Variants in PSMC5 observed in about 807,000 individuals in gnomAD.
PSMC5 encodes the protein proteasome 26S subunit, ATPase 5, also known as 26S proteasome regulatory subunit 8.
Under a neutral mutation model 49.1 loss-of-function variants are expected in PSMC5, and 11 were observed. The ratio of observed to expected loss-of-function variants is 0.22; its 90% CI spans 0.14 to 0.37. PSMC5 has a LOEUF of 0.37. Among genes scored for constraint, PSMC5 ranks in the 10% least tolerant of loss-of-function variants. PSMC5 has a pLI of 1.00. For missense variants in PSMC5, 229 were observed against 520.9 expected, an observed-to-expected ratio of 0.44 and a Z score of 5.45; for synonymous variants, 206 against 192.2, an observed-to-expected ratio of 1.07 and a Z score of -0.59.
Position 63,830,069 on chromosome 17 carries a change from C to G in PSMC5, c.265-64C>G. The G allele has an allele frequency of 1.9e-6, 3 of 1,587,530 alleles. No individual in the cohort carries two copies. The highest frequency in any genetic ancestry group is 2.6e-6 in the Non-Finnish European group (3 of 1,164,846). On this transcript the variant is annotated intron_variant, in intron 4 of 11. Coordinates refer to ENST00000310144, the MANE Select transcript of PSMC5 (RefSeq NM_002805.6). This position sits in a 1 kb window ranked among gnomAD's most constrained non-coding sequence, Gnocchi z 4.0. ...AAGGTATTGTGGGATTCTCATAGGT[C>G]TTCCTGGGTAGGATTAGTGATTTGG...
In PSMC5 at chr17:63,831,107, A is replaced by G; in HGVS notation, c.751A>G (p.Ile251Val). 1 of 1,551,606 alleles carries G rather than the reference A, an allele frequency of 6.4e-7. No individual in the cohort carries two copies. Among genetic ancestry groups the G allele is most frequent in the Non-Finnish European group, 8.7e-7 (1 of 1,145,410 alleles). Residue 251 changes from isoleucine to valine, a missense_variant, in exon 8 of 12, where the codon ATC (isoleucine) becomes GTC (valine). This residue lies in a region of PSMC5 where 121 missense variants were observed against 330.6 expected (regional missense o/e 0.37). Transcript: ENST00000310144. The surrounding 1 kb of genome is among the most constrained non-coding windows in gnomAD (Gnocchi z 6.3). ...TCCATCTATCATCTTCATGGACGAA[A>G]TCGACTCCATCGGCTCCTCGCGGCT... ...HAPSIIFMDE[I>V]DSIGSSRLEG...
chr17:63,831,584 C>A lies in PSMC5; in HGVS notation c.1048C>A (p.Leu350Ile). 6.2e-7 allele frequency: 1 copy of A among 1,614,094 alleles called. No individual in the cohort carries two copies. The highest frequency in any genetic ancestry group is 8.5e-7 in the Non-Finnish European group (1 of 1,180,006). Residue 350 changes from leucine to isoleucine, a missense_variant, in exon 10 of 12, where the codon CTC becomes ATC. Leu to Ile is a conservative substitution (Grantham distance 5). This residue lies in a region of PSMC5 where 121 missense variants were observed against 330.6 expected (regional missense o/e 0.37). Coordinates refer to ENST00000310144, the MANE Select transcript of PSMC5 (RefSeq NM_002805.6). The surrounding 1 kb of genome is among the most constrained non-coding windows in gnomAD (Gnocchi z 6.3). ...RGINLRKIAE[L>I]MPGASGAEVK... The stretch of plus-strand genomic sequence containing the variant: ...GATCAACCTGAGAAAAATTGCTGAG[C>A]TCATGCCAGGAGCATCAGGGGCTGA...
chr17:63,830,539 C>T lies in PSMC5; in HGVS notation c.552+38C>T, dbSNP rs371255809. Reference sequence around the variant, plus strand: ...GCTTCTCTGAGAGGGCCAAGCTGTACTTACTCCTCCTGCCCCAGCCAGCCC... The same window carrying T: ...GCTTCTCTGAGAGGGCCAAGCTGTATTTACTCCTCCTGCCCCAGCCAGCCC... On this transcript the variant is annotated intron_variant, in intron 6 of 11. Transcript: ENST00000310144. The surrounding 1 kb of genome is among the most constrained non-coding windows in gnomAD (Gnocchi z 4.0). 6.0e-5 allele frequency: 96 copies of T among 1,604,826 alleles called. No homozygotes were observed. Among genetic ancestry groups the T allele is most frequent in the Middle Eastern group, 5.0e-4 (3 of 6,058 alleles).
intron 3 of PSMC5, 96 bp downstream of exon 3, chr17:63,829,659 T>A: frequency 7.5e-7 from 1 of 1,341,046 alleles, no homozygotes; most frequent in African/African-American, 1.5e-5. Context: ...GCTTACTGTT[T>A]TCTCCCTGTC....
At chr17:63,827,613 G>T (rs1598352683) in intron 1 of PSMC5, 99 bp downstream of exon 1, 12 of 1,548,744 alleles carry the variant, frequency 7.7e-6, no homozygotes, top group East Asian at 2.4e-5. Flanking sequence ...CGTCGGGTGG[G>T]TCGGAGGTGC....
rs543372685 is a variant in PSMC5, at chr17:63,831,596, G to T, written c.1060G>T (p.Ala354Ser). ...LRKIAELMPG[A>S]SGAEVKGVCT... ...AAAAATTGCTGAGCTCATGCCAGGAGCATCAGGGGCTGAAGTGAAGGTAAT... is the reference window on the plus strand; with the variant it reads ...AAAAATTGCTGAGCTCATGCCAGGATCATCAGGGGCTGAAGTGAAGGTAAT... Residue 354 changes from alanine to serine, a missense_variant, in exon 10 of 12, where the codon GCA (alanine) becomes TCA (serine). By Grantham distance (99) the Ala-to-Ser change is moderately conservative. Transcript: ENST00000310144. The surrounding 1 kb of genome is among the most constrained non-coding windows in gnomAD (Gnocchi z 6.3). The T allele has an allele frequency of 6.2e-7, 1 of 1,614,158 alleles. No homozygotes were observed. The highest frequency in any genetic ancestry group is 1.1e-5 in the South Asian group (1 of 91,086).
Position 63,830,027 on chromosome 17 carries a change from G to T in PSMC5, c.264+78G>T. On this transcript the variant is annotated intron_variant, in intron 4 of 11. Transcript: ENST00000310144. The surrounding 1 kb of genome is among the most constrained non-coding windows in gnomAD (Gnocchi z 4.0). ...CCTTTGTGTGTAGCCTCGGGAGACA[G>T]GGTTCTGTGTTCTGTCAAGGTATTG... is the stretch of plus-strand genomic sequence containing the variant. The T allele has an allele frequency of 6.4e-7, 1 of 1,564,706 alleles. No individual in the cohort carries two copies. Among genetic ancestry groups the T allele is most frequent in the South Asian group, 1.2e-5 (1 of 83,542 alleles).
chr17:63,830,804 T>G lies in PSMC5; in HGVS notation c.553-5T>G. 1 of 1,613,922 alleles carries G rather than the reference T, an allele frequency of 6.2e-7. No individual in the cohort carries two copies. The highest frequency in any genetic ancestry group is 8.5e-7 in the Non-Finnish European group (1 of 1,179,932). ...TCTGCCCTGAGTCCTGCTGTTCCCC[T>G]GTAGGGAGTGCTGCTGTATGGACCT... On this transcript the variant is annotated splice_region_variant and splice_polypyrimidine_tract_variant and intron_variant, in intron 6 of 11. Coordinates refer to ENST00000310144, the MANE Select transcript of PSMC5 (RefSeq NM_002805.6). The surrounding 1 kb of genome is among the most constrained non-coding windows in gnomAD (Gnocchi z 4.0).
At position 63,831,357 on chromosome 17, in the gene PSMC5, C is replaced by G. The variant is rs1319798057; in HGVS notation, c.901C>G (p.Leu301Val). ...CATGGCTACTAATAGGATTGATATC[C>G]TGGACTCGGCACTGCTTCGCCCAGG... Reference protein sequence around the residue: ...VIMATNRIDILDSALLRPGRI... With the variant: ...VIMATNRIDIVDSALLRPGRI... Residue 301 changes from leucine (L) to valine (V), a missense_variant, in exon 9 of 12, where the codon CTG becomes GTG. By Grantham distance (32) the Leu-to-Val change is conservative. This residue lies in a region of PSMC5 where 121 missense variants were observed against 330.6 expected (regional missense o/e 0.37). Coordinates refer to ENST00000310144, the MANE Select transcript of PSMC5 (RefSeq NM_002805.6). This position sits in a 1 kb window ranked among gnomAD's most constrained non-coding sequence, Gnocchi z 6.3. 6.2e-7 allele frequency: 1 copy of G among 1,614,050 alleles called. No individual in the cohort carries two copies. The highest frequency in any genetic ancestry group is 8.5e-7 in the Non-Finnish European group (1 of 1,180,022).
In PSMC5 at chr17:63,831,792, T is replaced by A; in HGVS notation, c.1149T>A (p.Phe383Leu). The A allele has an allele frequency of 6.2e-7, 1 of 1,614,190 alleles. No homozygotes were observed. Among genetic ancestry groups the A allele is most frequent in the Non-Finnish European group, 8.5e-7 (1 of 1,180,038 alleles). The change falls in exon 11 of 12, where the codon TTT (phenylalanine) becomes TTA (leucine). Residue 383 changes from phenylalanine to leucine, a missense_variant. By Grantham distance (22) the Phe-to-Leu change is conservative. This residue lies in a region of PSMC5 where 121 missense variants were observed against 330.6 expected (regional missense o/e 0.37). Coordinates refer to ENST00000310144, the MANE Select transcript of PSMC5 (RefSeq NM_002805.6). This position sits in a 1 kb window ranked among gnomAD's most constrained non-coding sequence, Gnocchi z 6.3. ...ERRVHVTQED[F>L]EMAVAKVMQK... Reference sequence around the variant, plus strand: ...GAGTCCATGTCACTCAGGAGGACTTTGAGATGGCAGTAGCCAAGGTATAGG... The same window carrying A: ...GAGTCCATGTCACTCAGGAGGACTTAGAGATGGCAGTAGCCAAGGTATAGG...
At chr17:63,828,088 A>C (rs1488390250) in intron 1 of PSMC5, 50 bp from the exon 2 acceptor site, 1 of 1,604,770 alleles carries the variant, frequency 6.2e-7, no homozygotes, top group Non-Finnish European at 8.5e-7. Context: ...AAGTGGCTTT[A>C]CCCCCTCGGA....
Position 63,830,123 on chromosome 17 carries a change from G to T in PSMC5, c.265-10G>T, listed in dbSNP as rs778703142. ...CTGTCAAGGAAGGTCATGAGCCCTT[G>T]TTTCTTTAGGTACATCCTGAAGGTA... On this transcript the variant is annotated splice_polypyrimidine_tract_variant and intron_variant, in intron 4 of 11. Coordinates refer to ENST00000310144, the MANE Select transcript of PSMC5 (RefSeq NM_002805.6). This position sits in a 1 kb window ranked among gnomAD's most constrained non-coding sequence, Gnocchi z 4.0. 1 of 1,613,112 alleles carries T rather than the reference G, an allele frequency of 6.2e-7. No individual in the cohort carries two copies. The highest frequency in any genetic ancestry group is 1.1e-5 in the South Asian group (1 of 90,898).
At chr17:63,828,010 C>T in intron 1 of PSMC5, 128 bp from the exon 2 acceptor site, 3 of 1,312,532 alleles carry the variant, frequency 2.3e-6, no homozygotes, top group East Asian at 4.9e-5. Flanking sequence ...GATCCTGAGC[C>T]TCCGAAGTCC....
chr17:63,829,404 C>A, intron 2 of PSMC5, 90 bp from the exon 3 acceptor site: 1 of 1,186,482 alleles, frequency 8.4e-7, no homozygotes, highest in Non-Finnish European at 1.2e-6. Context: ...CTTCCCTCAG[C>A]TCATTCAGAC....
In PSMC5 at chr17:63,830,916, A is replaced by C; in HGVS notation, c.660A>C (p.Val220=). The change falls in exon 7 of 12, where the codon GTA becomes GTC. Residue 220 remains valine (V), a synonymous_variant. Coordinates refer to ENST00000310144, the MANE Select transcript of PSMC5 (RefSeq NM_002805.6). This position sits in a 1 kb window ranked among gnomAD's most constrained non-coding sequence, Gnocchi z 4.0. The part of the protein sequence containing the change: ...TFIRVSGSEL[V]QKFIGEGARM... ...TTCGTGTCTCTGGCTCTGAACTGGT[A>C]CAGAAATTCATAGGGGAAGGTAACC... 1 of 1,613,970 alleles carries C rather than the reference A, an allele frequency of 6.2e-7. No individual in the cohort carries two copies. Among genetic ancestry groups the C allele is most frequent in the Middle Eastern group, 1.6e-4 (1 of 6,062 alleles).
In PSMC5 at chr17:63,830,510, C is replaced by A; in HGVS notation, c.552+9C>A. On this transcript the variant is annotated intron_variant, in intron 6 of 11. Coordinates refer to ENST00000310144, the MANE Select transcript of PSMC5 (RefSeq NM_002805.6). The surrounding 1 kb of genome is among the most constrained non-coding windows in gnomAD (Gnocchi z 4.0). ...GCATTGCTCAGCCCAAGGTGAGGAG[C>A]AGGGCTTCTCTGAGAGGGCCAAGCT... 1 of 1,613,446 alleles carries A rather than the reference C, an allele frequency of 6.2e-7. No homozygotes were observed.
Position 63,827,511 on chromosome 17 carries a change from G to A in PSMC5, c.21G>A (p.Glu7=), listed in dbSNP as rs1483960662. 5.2e-6 allele frequency: 8 copies of A among 1,551,660 alleles called. No individual in the cohort carries two copies. The highest frequency in any genetic ancestry group is 7.0e-6 in the Non-Finnish European group (8 of 1,147,020). Reference sequence around the variant, plus strand: ...AGAAGATGGCGCTTGACGGACCAGAGCAGGTATGGCGGGTGCAGTGGCGGC... The same window carrying A: ...AGAAGATGGCGCTTGACGGACCAGAACAGGTATGGCGGGTGCAGTGGCGGC... The part of the protein sequence containing the change: MALDGP[E]QMELEEGKAG... Residue 7 remains glutamate, a synonymous_variant, in exon 1 of 12, where the codon GAG becomes GAA. Coordinates refer to ENST00000310144, the MANE Select transcript of PSMC5 (RefSeq NM_002805.6).
Position 63,830,569 on chromosome 17 carries a change from G to A in PSMC5, c.552+68G>A. ...TCCTCCTGCCCCAGCCAGCCCTACT[G>A]CAGGGGTTGGGGAGGCACCGGGATA... On this transcript the variant is annotated intron_variant, in intron 6 of 11. Coordinates refer to ENST00000310144, the MANE Select transcript of PSMC5 (RefSeq NM_002805.6). The surrounding 1 kb of genome is among the most constrained non-coding windows in gnomAD (Gnocchi z 4.0). 6.3e-7 allele frequency: 1 copy of A among 1,575,248 alleles called. No individual in the cohort carries two copies. Among genetic ancestry groups the A allele is most frequent in the Non-Finnish European group, 8.6e-7 (1 of 1,162,600 alleles).
At position 63,827,873 on chromosome 17, in the gene PSMC5, G is replaced by GC. The variant is rs932521804; in HGVS notation, c.25-259dup. On this transcript the variant is annotated intron_variant, in intron 1 of 11. Coordinates refer to ENST00000310144, the MANE Select transcript of PSMC5 (RefSeq NM_002805.6). ...TAGAGCACTTCACGCAGTGCAAAGC[G>GC]CCCCCCGTCTATATCATATCGCCTC... The GC allele has an allele frequency of 2.2e-5, 31 of 1,427,780 alleles. No individual in the cohort carries two copies. The Admixed American group carries it at 3.8e-4, about 17-fold the overall frequency. 88.4% of individuals were successfully genotyped at this position (1,427,780 alleles called of 1,614,324 possible). A position where few individuals can be genotyped will look rare whatever the true frequency, so the allele number is the denominator to read the frequency against.
Sources: allele counts gnomAD v4.1 joint callset, GRCh38; gene constraint gnomAD v4.1.1; regional missense constraint gnomAD v4.1.1; non-coding constraint Gnocchi (gnomAD v3.1); transcripts MANE v1.5; gene names NCBI Gene and HGNC (gene_info 2026-07-23, HGNC 2026-07-21).